PES1: variants seen among roughly 807,000 people sequenced by gnomAD.
PES1 encodes the protein pescadillo ribosomal biogenesis factor 1, also known as pescadillo homolog.
A neutral mutation model predicts 77.1 loss-of-function variants in PES1; 31 were observed. The observed-to-expected ratio is 0.40, with a 90% CI of 0.30 to 0.54. PES1 has a LOEUF of 0.54. PES1 is among the 20% of genes least tolerant of loss of function. The pLI is 0.45. For synonymous variants in PES1, 282 were observed against 303.0 expected (o/e 0.93, Z 0.72); for missense variants, 658 against 771.7 (o/e 0.85, Z 1.75).
chr22:30,577,900 G>A (rs761358269), intron 14 of PES1, among the ~76,000 whole-genome samples: 4 of 152,364 alleles, frequency 2.6e-5, no homozygotes, highest in Admixed American at 6.5e-5. Context: ...GATGTTTTCT[G>A]AGAATGACTG....
At chr22:30,603,340 C>T (rs2087387113) in intron 2 of PES1, among the ~76,000 whole-genome samples, 2 of 151,920 alleles carry the variant, frequency 1.3e-5, no homozygotes, top group East Asian at 1.9e-4. Flanking sequence ...TTTGCTTTCT[C>T]CTCCTCTTCC....
intron 2 of PES1, among the ~76,000 whole-genome samples, chr22:30,604,261 TA>T (rs1782618084): frequency 6.6e-6 from 1 of 152,222 alleles, no homozygotes; most frequent in African/African-American, 2.4e-5. Context: ...CTTGTGCTTT[TA>T]GGGGGAAAAA....
At chr22:30,606,916 A>C in exon 1 of PES1, 1 of 1,065,480 alleles carries the variant, frequency 9.4e-7, no homozygotes, top group Non-Finnish European at 1.1e-6. Context: ...GGTCCTGCCA[A>C]TCCACCACTG....
At chr22:30,599,515 G>A (rs1035075662) in intron 2 of PES1, among the ~76,000 whole-genome samples, 2 of 152,164 alleles carry the variant, frequency 1.3e-5, no homozygotes, top group Non-Finnish European at 1.5e-5. Context: ...ATTCTTAGGT[G>A]AACATCTGAT....
rs2086949466 is a variant in PES1, at chr22:30,579,505, C to T, written c.1355-202G>A. 1.4e-4 allele frequency: 111 copies of T among 803,692 alleles called. No individual in the cohort carries two copies. The South Asian group carries it at 2.0e-3, about 14-fold the overall frequency. The allele number at this position is 803,692 out of a possible 1,614,324, so 49.8% of individuals were successfully genotyped here. On this transcript the variant is annotated intron_variant, in intron 12 of 14. Coordinates refer to ENST00000354694, the MANE Select transcript of PES1 (RefSeq NM_014303.4). ...AAATTCCAAGACCCCCAGTCCTGAG[C>T]TCTGTCGCCTCCAATGTAAACTCTG... is the stretch of plus-strand genomic sequence containing the variant.
exon 2 of PES1, chr22:30,605,484 T>C (rs1013284208): frequency 2.0e-6 from 2 of 985,294 alleles, no homozygotes; most frequent in Non-Finnish European, 2.4e-6. Flanking sequence ...TAACGAAGGC[T>C]ATCCTCCATG....
At chr22:30,577,660 CTTTT>C (rs543875967) in intron 14 of PES1, among the ~76,000 whole-genome samples, 8 of 148,474 alleles carry the variant, frequency 5.4e-5, no homozygotes, top group Admixed American at 2.7e-4. Context: ...GTAGCCCTTT[CTTTT>C]TTTTTTTGGG....
In PES1 at chr22:30,581,496, G is replaced by A. The variant is rs552145130; in HGVS notation, c.747+32C>T. On this transcript the variant is annotated intron_variant, in intron 7 of 14. Transcript: ENST00000354694. ...CAGAGAAGGGCTGTGGCCCCTGCAC[G>A]GCGAGCAGAAGGCACTGGGCTGGGG... 2,482 of 1,605,270 alleles carry A rather than the reference G, an allele frequency of 1.5e-3. 61 individuals carry two copies. In the South Asian group the frequency reaches 0.025, roughly 16 times the overall value.
At chr22:30,578,732 G>A in intron 14 of PES1, 105 bp downstream of exon 14, 1 of 1,310,006 alleles carries the variant, frequency 7.6e-7, no homozygotes, top group Non-Finnish European at 1.1e-6. Flanking sequence ...AAAAGGCTAG[G>A]AGAGCCTCAG....
intron 2 of PES1, among the ~76,000 whole-genome samples, chr22:30,598,028 C>G (rs1323819398): frequency 1.3e-5 from 2 of 151,236 alleles, no homozygotes; most frequent in South Asian, 2.1e-4. Context: ...GGACTACAGG[C>G]GCCCGCCACT....
chr22:30,589,478 C>T (rs2087146630), intron 1 of PES1, among the ~76,000 whole-genome samples: 1 of 152,198 alleles, frequency 6.6e-6, no homozygotes, highest in Non-Finnish European at 1.5e-5. Flanking sequence ...GGAACACATA[C>T]ATCTGCATGA....
chr22:30,595,934 C>T (rs114637078), upstream of PES1, among the ~76,000 whole-genome samples: 128 of 152,260 alleles, frequency 8.4e-4, no homozygotes, highest in African/African-American at 3.1e-3. Flanking sequence ...TTAGTACTAA[C>T]GGGACAGTCT....
chr22:30,584,939 C>T (rs970001814), intron 4 of PES1, among the ~76,000 whole-genome samples: 1 of 152,140 alleles, frequency 6.6e-6, no homozygotes, highest in African/African-American at 2.4e-5. Context: ...AGAGAAGTCC[C>T]GATGGGGGTC....
intron 2 of PES1, among the ~76,000 whole-genome samples, chr22:30,597,840 G>C (rs971534531): frequency 6.6e-6 from 1 of 151,424 alleles, no homozygotes; most frequent in African/African-American, 2.4e-5. Flanking sequence ...CGACTCAGCT[G>C]TGGTAACTCG....
upstream of PES1, chr22:30,592,204 C>A: frequency 9.5e-7 from 1 of 1,050,234 alleles, no homozygotes; most frequent in African/African-American, 1.7e-5. Flanking sequence ...TTAGGGACAG[C>A]GCGGTGCCTT....
upstream of PES1, chr22:30,592,307 G>T (rs535503013): frequency 5.0e-6 from 5 of 992,106 alleles, no homozygotes; most frequent in African/African-American, 1.7e-5. Context: ...TTCGGCTGCC[G>T]CTGCTGAGAA....
At chr22:30,596,216 A>C (rs1246151613), upstream of PES1, among the ~76,000 whole-genome samples, 1 of 152,142 alleles carries the variant, frequency 6.6e-6, no homozygotes, top group Non-Finnish European at 1.5e-5. Flanking sequence ...ACTGGTGTTG[A>C]GATAAAACTC....
Position 30,578,970 on chromosome 22 carries a change from T to C in PES1, c.1550A>G (p.Lys517Arg). ...GGCCAGCCGCTGCTTATCCTCCAGC[T>C]TCAAGGTGCCTGCCATCACCCTGGG... ...KKPRVMAGTL[K>R]LEDKQRLAQE... The change falls in exon 14 of 15, where the codon AAG becomes AGG. Residue 517 changes from lysine to arginine, a missense_variant. Physicochemically the swap from Lys to Arg is conservative, Grantham distance 26. Transcript: ENST00000354694. 1 of 1,612,398 alleles carries C rather than the reference T, an allele frequency of 6.2e-7. No homozygotes were observed. The highest frequency in any genetic ancestry group is 8.5e-7 in the Non-Finnish European group (1 of 1,180,016).
chr22:30,601,995 TCTC>T (rs1194115977), intron 2 of PES1: 4 of 151,920 alleles, frequency 2.6e-5, no homozygotes, highest in African/African-American at 7.3e-5. Flanking sequence ...TTGGTCTTGT[TCTC>T]CTGACCTTGT....
Sources: gnomAD v4.1 joint callset for allele counts (sites outside exome capture counted in the v4.1 genomes callset) on GRCh38, gnomAD v4.1.1 for gene constraint, MANE v1.5 for transcripts, NCBI Gene and HGNC (gene_info 2026-07-23, HGNC 2026-07-21) for gene names.